The following CCDC91 variants were observed in gnomAD, a reference collection of about 807,000 sequenced individuals.
CCDC91 encodes the protein coiled-coil domain-containing protein 91.
A neutral mutation model predicts 63.2 loss-of-function variants in CCDC91; 48 were observed. The observed-to-expected ratio is 0.76, with a 90% CI of 0.60 to 0.97. The LOEUF (loss-of-function observed/expected upper bound fraction) is 0.97. Ranked by LOEUF, CCDC91 falls within the 50% of genes least tolerant of loss-of-function variation. The probability of loss-of-function intolerance (pLI) is 0.00; values close to 1 mark genes in which losing one functional copy is unlikely to be tolerated. For synonymous variants in CCDC91, 167 were observed against 165.8 expected (o/e 1.01, Z -0.06); for missense variants, 500 against 494.6 (o/e 1.01, Z -0.10).
chr12:28,431,778 T>C (rs1404649544), intron 8 of CCDC91, among the ~76,000 whole-genome samples: 1 of 152,064 alleles, frequency 6.6e-6, no homozygotes, highest in Non-Finnish European at 1.5e-5. Flanking sequence ...GGTTCAGTCT[T>C]GGTGGTGTAC....
chr12:28,462,730 A>T (rs1435715417), intron 11 of CCDC91, among the ~76,000 whole-genome samples: 1 of 152,156 alleles, frequency 6.6e-6, no homozygotes, highest in Non-Finnish European at 1.5e-5. Flanking sequence ...TTTCAAAGGG[A>T]TATCCAGTTG....
intron 7 of CCDC91, among the ~76,000 whole-genome samples, chr12:28,373,735 T>G (rs1392082929): frequency 2.6e-5 from 4 of 152,162 alleles, no homozygotes; most frequent in Non-Finnish European, 5.9e-5. Flanking sequence ...CCCTTCCAAA[T>G]CTCATCTTGA....
chr12:28,412,391 G>A (rs1947369765), intron 8 of CCDC91, among the ~76,000 whole-genome samples: 1 of 152,206 alleles, frequency 6.6e-6, no homozygotes, highest in African/African-American at 2.4e-5. Context: ...CAGTTAAGAA[G>A]AAGCAGATAC....
At chr12:28,276,472 A>G (rs111975002) in intron 3 of CCDC91, among the ~76,000 whole-genome samples, 3 of 152,130 alleles carry the variant, frequency 2.0e-5, no homozygotes, top group African/African-American at 7.2e-5. Flanking sequence ...GGAAGGATAT[A>G]AATTATATGA....
At chr12:28,494,680 T>C (rs1437429364) in intron 12 of CCDC91, among the ~76,000 whole-genome samples, 1 of 151,700 alleles carries the variant, frequency 6.6e-6, no homozygotes, top group East Asian at 1.9e-4. Context: ...CCAAATAATT[T>C]ATATAACCCT....
intron 6 of CCDC91, among the ~76,000 whole-genome samples, chr12:28,333,565 C>T (rs1329300293): frequency 5.9e-5 from 9 of 151,976 alleles, no homozygotes; most frequent in Non-Finnish European, 1.3e-4. Flanking sequence ...AGATTGACTC[C>T]ATCTGGGAAC....
At chr12:28,276,516 A>G (rs188180268) in intron 3 of CCDC91, among the ~76,000 whole-genome samples, 290 of 152,092 alleles carry the variant, frequency 1.9e-3, no homozygotes, top group African/African-American at 6.2e-3. Context: ...TCCTGTTTCT[A>G]TCATATACAG....
At chr12:28,281,578 C>T (rs1948611214) in intron 3 of CCDC91, among the ~76,000 whole-genome samples, 2 of 152,108 alleles carry the variant, frequency 1.3e-5, no homozygotes, top group African/African-American at 4.8e-5. Flanking sequence ...CTAGCTTATC[C>T]AAGTTGACAT....
At chr12:28,466,922 C>G (rs535453810) in intron 11 of CCDC91, among the ~76,000 whole-genome samples, 61 of 152,160 alleles carry the variant, frequency 4.0e-4, no homozygotes, top group African/African-American at 1.5e-3. Context: ...CAAGACAATA[C>G]AGTAAGTTAT....
chr12:28,338,825 T>C (rs1378693144), intron 6 of CCDC91, among the ~76,000 whole-genome samples: 2 of 151,926 alleles, frequency 1.3e-5, no homozygotes, highest in Non-Finnish European at 2.9e-5. Flanking sequence ...TTCTGGTATA[T>C]TTCTTTTTTT....
chr12:28,402,099 G>C (rs1461913340), intron 8 of CCDC91, among the ~76,000 whole-genome samples: 1 of 152,034 alleles, frequency 6.6e-6, no homozygotes, highest in East Asian at 1.9e-4. Context: ...ATTGACATTA[G>C]GGGTTGAATT....
At chr12:28,357,341 G>C (rs1731006451) in intron 6 of CCDC91, among the ~76,000 whole-genome samples, 1 of 152,106 alleles carries the variant, frequency 6.6e-6, no homozygotes, top group Admixed American at 6.5e-5. Context: ...GTTATGGGTA[G>C]TGGAGGCTTG....
At chr12:28,466,856 C>G (rs1950574034) in intron 11 of CCDC91, among the ~76,000 whole-genome samples, 1 of 151,940 alleles carries the variant, frequency 6.6e-6, no homozygotes. Flanking sequence ...AACTTTTATC[C>G]TAAGGAGAAA....
At chr12:28,372,670 C>T (rs371638154) in intron 7 of CCDC91, among the ~76,000 whole-genome samples, 2 of 151,868 alleles carry the variant, frequency 1.3e-5, no homozygotes, top group African/African-American at 2.4e-5. Context: ...GATGTGTGTA[C>T]ATTGATTTTG....
At chr12:28,238,680 G>T (rs1945127877) in intron 1 of CCDC91, among the ~76,000 whole-genome samples, 1 of 152,102 alleles carries the variant, frequency 6.6e-6, no homozygotes, top group Non-Finnish European at 1.5e-5. Flanking sequence ...TAGGGGAATT[G>T]TGAATGTATT....
At chr12:28,375,264 A>T (rs991642331) in intron 7 of CCDC91, among the ~76,000 whole-genome samples, 1 of 152,002 alleles carries the variant, frequency 6.6e-6, no homozygotes, top group Non-Finnish European at 1.5e-5. Context: ...GCTCTTAAGA[A>T]ATATTAGGTA....
At chr12:28,439,879 A>C (rs1949096457) in intron 8 of CCDC91, among the ~76,000 whole-genome samples, 1 of 151,228 alleles carries the variant, frequency 6.6e-6, no homozygotes, top group Non-Finnish European at 1.5e-5. Context: ...TTTTAGGTTA[A>C]TTTTTTCAAA....
intron 8 of CCDC91, among the ~76,000 whole-genome samples, chr12:28,424,880 C>T (rs1203626411): frequency 6.6e-6 from 1 of 152,008 alleles, no homozygotes; most frequent in Non-Finnish European, 1.5e-5. Flanking sequence ...TGTAATTTTA[C>T]CTTTCACATT....
intron 7 of CCDC91, among the ~76,000 whole-genome samples, chr12:28,387,260 C>T (rs1945661500): frequency 6.6e-6 from 1 of 152,076 alleles, no homozygotes; most frequent in Admixed American, 6.6e-5. Flanking sequence ...CAATGTTGAG[C>T]CATAGGACCA....
Sources: allele counts gnomAD v4.1 joint callset (sites outside exome capture counted in the v4.1 genomes callset), GRCh38; gene constraint gnomAD v4.1.1; transcripts MANE v1.5; gene names NCBI Gene and HGNC (gene_info 2026-07-23, HGNC 2026-07-21).